NUP205: variants seen among roughly 807,000 people sequenced by gnomAD.
NUP205 encodes the protein nucleoporin 205.
A neutral mutation model predicts 253.8 loss-of-function variants in NUP205; 76 were observed. The ratio of observed to expected loss-of-function variants is 0.30; its 90% CI spans 0.25 to 0.36. NUP205 has a LOEUF of 0.36. Among genes scored for constraint, NUP205 ranks in the 10% least tolerant of loss-of-function variants. The pLI is 1.00. For synonymous variants in NUP205, 832 were observed against 850.1 expected (o/e 0.98, Z 0.37); for missense variants, 2,162 against 2,425.5 (o/e 0.89, Z 2.28).
Position 135,602,742 on chromosome 7 carries a change from A to G in NUP205, c.2513-63A>G, listed in dbSNP as rs959286026. The stretch of plus-strand genomic sequence containing the variant: ...AACTTGTCATTTGTCTTGTTTTCCT[A>G]AGAATTGACTGTGAGTTTTTAAGAT... On this transcript the variant is annotated intron_variant, in intron 17 of 42. Coordinates refer to ENST00000285968, the MANE Select transcript of NUP205 (RefSeq NM_015135.3). 4 of 1,299,616 alleles carry G rather than the reference A, an allele frequency of 3.1e-6. No individual in the cohort carries two copies. The African/African-American group carries it at 6.0e-5, about 19-fold the overall frequency. The allele number at this position is 1,299,616 out of a possible 1,614,324, so 80.5% of individuals were successfully genotyped here.
chr7:135,588,575 T>C (rs2129490169), intron 10 of NUP205, among the ~76,000 whole-genome samples: 1 of 151,012 alleles, frequency 6.6e-6, no homozygotes, highest in East Asian at 1.9e-4. Context: ...GCATCCAGTC[T>C]CTTTATTATT....
rs1458645206 is a variant in NUP205, at chr7:135,645,893, T to C, written c.5813-265T>C. The C allele has an allele frequency of 3.3e-5, 19 of 575,446 alleles. No homozygotes were observed. The East Asian group carries it at 5.4e-4, about 16-fold the overall frequency. 35.6% of individuals were successfully genotyped at this position (575,446 alleles called of 1,614,324 possible). A position where few individuals can be genotyped will look rare whatever the true frequency, so the allele number is the denominator to read the frequency against. ...AGGAGGTCTGCTATTATGCTGATTCTTATTGCTGGAGTGGGCCTCTGTGAC... is the reference window on the plus strand; with the variant it reads ...AGGAGGTCTGCTATTATGCTGATTCCTATTGCTGGAGTGGGCCTCTGTGAC... On this transcript the variant is annotated intron_variant, in intron 41 of 42. Transcript: ENST00000285968.
In NUP205 at chr7:135,598,027, T is replaced by G. The variant is rs1391701388; in HGVS notation, c.2094T>G (p.Cys698Trp). Residue 698 changes from cysteine to tryptophan, a missense_variant, in exon 15 of 43, where the codon TGT (cysteine) becomes TGG (tryptophan). Physicochemically the swap from Cys to Trp is radical, Grantham distance 215. This residue lies in a region of NUP205 where 892 missense variants were observed against 957.1 expected (regional missense o/e 0.93). Transcript: ENST00000285968. ...EVELNEIESR[C>W]EEYPLTRAFC... Reference sequence around the variant, plus strand: ...AACTAAATGAAATAGAATCCCGGTGTGAAGAATACCCATTGACTCGGGCCT... The same window carrying G: ...AACTAAATGAAATAGAATCCCGGTGGGAAGAATACCCATTGACTCGGGCCT... 1 of 1,614,120 alleles carries G rather than the reference T, an allele frequency of 6.2e-7. No homozygotes were observed. Among genetic ancestry groups the G allele is most frequent in the South Asian group, 1.1e-5 (1 of 91,084 alleles).
At chr7:135,635,425 T>C (rs925384711) in intron 35 of NUP205, 156 bp from the exon 36 acceptor site, 1 of 459,174 alleles carries the variant, frequency 2.2e-6, no homozygotes, top group Admixed American at 3.9e-5. Flanking sequence ...AACAGGTACT[T>C]ACAGTCTTTG....
chr7:135,610,466 C>T (rs1346063818), intron 22 of NUP205, among the ~76,000 whole-genome samples: 1 of 152,164 alleles, frequency 6.6e-6, no homozygotes, highest in Non-Finnish European at 1.5e-5. Context: ...GTGATCCACC[C>T]GCCTTGGCCT....
intron 22 of NUP205, among the ~76,000 whole-genome samples, chr7:135,608,113 A>C (rs1278687084): frequency 7.0e-6 from 1 of 142,772 alleles, no homozygotes; most frequent in Non-Finnish European, 1.5e-5. Context: ...TGCAACCTCC[A>C]CCTCCCAGGC....
chr7:135,616,352 CATG>C (rs1317870834), intron 24 of NUP205, among the ~76,000 whole-genome samples: 3 of 152,154 alleles, frequency 2.0e-5, no homozygotes, highest in African/African-American at 7.2e-5. Flanking sequence ...ATGTATTATT[CATG>C]CAAATTAAGC....
Position 135,618,589 on chromosome 7 carries a change from G to C in NUP205, c.3949G>C (p.Asp1317His), listed in dbSNP as rs1305064852. 6 of 1,600,530 alleles carry C rather than the reference G, an allele frequency of 3.7e-6. No individual in the cohort carries two copies. The highest frequency in any genetic ancestry group is 5.1e-6 in the Non-Finnish European group (6 of 1,172,980). ...RQLIIRDILQDVHDKILDDEA... is the reference protein window; with the variant it reads ...RQLIIRDILQHVHDKILDDEA... The stretch of plus-strand genomic sequence containing the variant: ...ACTGATTATTCGTGATATTTTACAA[G>C]ATGTGCATGATAAGGTGACGTACTT... The change falls in exon 28 of 43, where the codon GAT becomes CAT. Residue 1317 changes from aspartate (D) to histidine (H), a missense_variant. Physicochemically the swap from Asp to His is moderately conservative, Grantham distance 81 (BLOSUM62 -1). This residue lies in a region of NUP205 where 1,144 missense variants were observed against 1,280.9 expected (regional missense o/e 0.89). Coordinates refer to ENST00000285968, the MANE Select transcript of NUP205 (RefSeq NM_015135.3).
chr7:135,567,128 G>GTATA (rs1163648935), intron 1 of NUP205, among the ~76,000 whole-genome samples: 23 of 7,194 alleles, frequency 3.2e-3, no homozygotes, highest in African/African-American at 0.011. Flanking sequence ...GTCTATGTGT[G>GTATA]TATATATATA....
intron 15 of NUP205, among the ~76,000 whole-genome samples, chr7:135,599,698 C>T (rs753507191): frequency 2.6e-5 from 4 of 152,210 alleles, no homozygotes; most frequent in Non-Finnish European, 5.9e-5. Context: ...CAGAGCCACA[C>T]TTCAAGTGTT....
In NUP205 at chr7:135,577,147, C is replaced by G; in HGVS notation, c.648+19C>G. ...CAAAGAGGCAAGGGTTCAATGAAAT[C>G]AATTCATGAGTTGTCTGTCAAATCT... On this transcript the variant is annotated intron_variant, in intron 5 of 42. Transcript: ENST00000285968. 6.3e-7 allele frequency: 1 copy of G among 1,592,606 alleles called. No homozygotes were observed. The highest frequency in any genetic ancestry group is 8.5e-7 in the Non-Finnish European group (1 of 1,171,410).
chr7:135,591,929 T>G (rs1244939639), intron 11 of NUP205, among the ~76,000 whole-genome samples: 2 of 152,212 alleles, frequency 1.3e-5, no homozygotes, highest in Non-Finnish European at 2.9e-5. Flanking sequence ...TTAATTTATC[T>G]TCGTATTTTT....
At position 135,578,868 on chromosome 7, in the gene NUP205, C is replaced by T. The variant is rs759129105; in HGVS notation, c.995C>T (p.Ala332Val). ...LPGLQATVRLAWALALRGISQ... is the reference protein window; with the variant it reads ...LPGLQATVRLVWALALRGISQ... ...GGGCTCCAAGCCACTGTTAGACTTGCCTGGGCGCTGGCATTGAGGGGAATA... is the reference window on the plus strand; with the variant it reads ...GGGCTCCAAGCCACTGTTAGACTTGTCTGGGCGCTGGCATTGAGGGGAATA... Residue 332 changes from alanine to valine, a missense_variant, in exon 7 of 43, where the codon GCC becomes GTC. Transcript: ENST00000285968. 8 of 1,610,452 alleles carry T rather than the reference C, an allele frequency of 5.0e-6. No individual in the cohort carries two copies. The Admixed American group carries it at 1.2e-4, about 24-fold the overall frequency.
intron 38 of NUP205, among the ~76,000 whole-genome samples, chr7:135,642,040 A>C (rs560529030): frequency 5.3e-5 from 8 of 152,040 alleles, no homozygotes; most frequent in African/African-American, 1.4e-4. Context: ...GGATCACCTG[A>C]GGTAAGGAGT....
Position 135,619,691 on chromosome 7 carries a change from G to GT in NUP205, c.4231+8dup, listed in dbSNP as rs748861286. ...CTGTTAGACTTCATTTTGAAGACAG[G>GT]TTTTTTTCATTTAAATTGTCTATAA... On this transcript the variant is annotated splice_donor_variant, in intron 29 of 42. Coordinates refer to ENST00000285968, the MANE Select transcript of NUP205 (RefSeq NM_015135.3). LOFTEE classifies it high-confidence loss of function. 22 of 1,608,296 alleles carry GT rather than the reference G, an allele frequency of 1.4e-5. No individual in the cohort carries two copies. The highest frequency in any genetic ancestry group is 3.3e-4 in the Middle Eastern group (2 of 6,030).
At chr7:135,620,272 G>T (rs1033595644) in intron 30 of NUP205, among the ~76,000 whole-genome samples, 3 of 152,088 alleles carry the variant, frequency 2.0e-5, no homozygotes, top group Non-Finnish European at 4.4e-5. Flanking sequence ...GGTGGCTCAC[G>T]CCTGTAATCC....
Position 135,648,418 on chromosome 7 carries a change from A to T in NUP205, c.5901A>T (p.Ala1967=). The change falls in exon 43 of 43, where the codon GCA becomes GCT. Residue 1967 remains alanine (A), a synonymous_variant. Coordinates refer to ENST00000285968, the MANE Select transcript of NUP205 (RefSeq NM_015135.3). The stretch of plus-strand genomic sequence containing the variant: ...GTCACCGCTAGCTTCAGGCTGATGC[A>T]ATCAACGCTTTTGGAGAATCACTAC... The part of the protein sequence containing the change: ...QHDLDQLQAD[A]INAFGESLQK... 1 of 1,590,378 alleles carries T rather than the reference A, an allele frequency of 6.3e-7. No individual in the cohort carries two copies. Among genetic ancestry groups the T allele is most frequent in the African/African-American group, 1.4e-5 (1 of 73,216 alleles).
intron 33 of NUP205, 140 bp from the exon 34 acceptor site, chr7:135,627,833 T>A: frequency 1.5e-6 from 1 of 676,022 alleles, no homozygotes; most frequent in East Asian, 2.6e-5. Flanking sequence ...CGCGGATGTA[T>A]ATATGGGATG....
intron 22 of NUP205, among the ~76,000 whole-genome samples, chr7:135,610,334 C>A (rs911938646): frequency 6.6e-6 from 1 of 152,198 alleles, no homozygotes; most frequent in African/African-American, 2.4e-5. Flanking sequence ...GATTCTCCTG[C>A]CTCAGCCTCC....
Sources: allele counts gnomAD v4.1 joint callset (sites outside exome capture counted in the v4.1 genomes callset), GRCh38; gene constraint gnomAD v4.1.1; regional missense constraint gnomAD v4.1.1; transcripts MANE v1.5; gene names NCBI Gene and HGNC (gene_info 2026-07-23, HGNC 2026-07-21).